Variants in POLR1D observed in about 807,000 individuals in gnomAD.
The protein encoded by POLR1D is RNA polymerase I and III subunit D.
POLR1D carries 8 observed loss-of-function variants against 10.8 expected under a neutral mutation model. The ratio of observed to expected loss-of-function variants is 0.74; its 90% CI spans 0.43 to 1.33. POLR1D has a LOEUF of 1.33. Ranked by LOEUF, POLR1D falls within the 40% of genes most tolerant of loss-of-function variation. The pLI is 0.01. For missense variants in POLR1D, 152 were observed against 161.7 expected, an observed-to-expected ratio of 0.94 and a Z score of 0.32; for synonymous variants, 54 against 57.2, an observed-to-expected ratio of 0.94 and a Z score of 0.25.
intron 1 of POLR1D, among the ~76,000 whole-genome samples, chr13:27,640,928 C>T (rs118138340): frequency 0.014 from 2,206 of 152,186 alleles, 24 homozygotes; most frequent in Non-Finnish European, 0.022. Flanking sequence ...CCTAAGTAAT[C>T]TATTATTACT....
At chr13:27,627,392 GGTGGAAATA>G (rs1956023784), downstream of POLR1D, among the ~76,000 whole-genome samples, 1 of 151,942 alleles carries the variant, frequency 6.6e-6, no homozygotes, top group South Asian at 2.1e-4. Flanking sequence ...CCTGAGAAAT[GGTGGAAATA>G]AGAGACTATG....
Position 27,622,993 on chromosome 13 carries a change from C to A in POLR1D, c.145C>A (p.His49Asn). The change falls in exon 2 of 2, where the codon CAT becomes AAT. Residue 49 changes from histidine to asparagine, a missense_variant. Coordinates refer to ENST00000302979, the MANE Select transcript of POLR1D (RefSeq NM_015972.4). ...CVTFVLHEED[H>N]TLGNSLRYMI... is the part of the protein sequence containing the mutation. ...GACATTTGTATTGCACGAGGAAGAC[C>A]ATACCCTAGGAAATTCTCTACGTTA... 1 of 1,614,102 alleles carries A rather than the reference C, an allele frequency of 6.2e-7. No homozygotes were observed. The highest frequency in any genetic ancestry group is 8.5e-7 in the Non-Finnish European group (1 of 1,179,964).
At position 27,665,415 on chromosome 13, in the gene POLR1D, G is replaced by GT. The variant is rs1956405726; in HGVS notation, c.102-270dup. 2.3e-5 allele frequency: 11 copies of GT among 485,148 alleles called. No individual in the cohort carries two copies. In the South Asian group the frequency reaches 2.4e-4, roughly 10 times the overall value. The allele number at this position is 485,148 out of a possible 1,614,324, so 30.1% of individuals were successfully genotyped here. A position where few individuals can be genotyped will look rare whatever the true frequency, so the allele number is the denominator to read the frequency against. On this transcript the variant is annotated intron_variant, in intron 2 of 2. Transcript: ENST00000399697. ...TTAGTTCACAGTGTGGTCAATACCT[G>GT]TACATATGAACTTCAGTAGGAAATT...
At chr13:27,629,054 A>G (rs896047671) in intron 1 of POLR1D, among the ~76,000 whole-genome samples, 10 of 152,024 alleles carry the variant, frequency 6.6e-5, no homozygotes, top group African/African-American at 2.4e-4. Context: ...GAACTCCTGG[A>G]CTCAAGTGAT....
chr13:27,652,914 T>TTCC (rs202199140), intron 2 of POLR1D, among the ~76,000 whole-genome samples: 1 of 129,746 alleles, frequency 7.7e-6, no homozygotes, highest in Non-Finnish European at 1.6e-5. Context: ...ACCATTTCTT[T>TTCC]TTTTTTTTTT....
intron 1 of POLR1D, among the ~76,000 whole-genome samples, chr13:27,631,546 G>A (rs1956073798): frequency 1.3e-5 from 2 of 152,074 alleles, no homozygotes; most frequent in African/African-American, 4.8e-5. Flanking sequence ...TCTCTAAAGT[G>A]GCATGCACAC....
chr13:27,637,088 G>C (rs1255289068), intron 1 of POLR1D, among the ~76,000 whole-genome samples: 1 of 151,940 alleles, frequency 6.6e-6, no homozygotes, highest in African/African-American at 2.4e-5. Context: ...CTGGGTTTTG[G>C]TTGTCTTGCA....
At chr13:27,656,360 A>C (rs1046513840) in intron 2 of POLR1D, among the ~76,000 whole-genome samples, 2 of 152,168 alleles carry the variant, frequency 1.3e-5, no homozygotes, top group African/African-American at 2.4e-5. Flanking sequence ...GTGTCTGTGT[A>C]TGTGTATGTG....
At chr13:27,626,620 C>G (rs928032010), downstream of POLR1D, among the ~76,000 whole-genome samples, 1 of 152,160 alleles carries the variant, frequency 6.6e-6, no homozygotes, top group Non-Finnish European at 1.5e-5. Context: ...AAAGTTAATC[C>G]GCATCTGATT....
At chr13:27,641,534 C>T (rs1028912004) in intron 1 of POLR1D, among the ~76,000 whole-genome samples, 1 of 152,054 alleles carries the variant, frequency 6.6e-6, no homozygotes. Flanking sequence ...TCCAAATATT[C>T]AGCCATTTCA....
At chr13:27,641,007 T>TATTGGTTATTA in intron 1 of POLR1D, among the ~76,000 whole-genome samples, 1 of 152,334 alleles carries the variant, frequency 6.6e-6, no homozygotes, top group South Asian at 2.1e-4. Context: ...AAATAGCTCT[T>TATTGGTTATTA]ATTCCGTATT....
chr13:27,648,912 A>G lies in POLR1D; in HGVS notation c.101+459A>G, dbSNP rs79273028. On this transcript the variant is annotated intron_variant, in intron 2 of 2. Transcript: ENST00000399697. ...AAGATTACCTTTGCAGATTATGTAC[A>G]AAATAGAGCTTGTTAAAACTTAATA... Among the ~76,000 whole-genome samples the G allele has an allele frequency of 7.5e-3, 1,139 of 152,328 alleles. 15 individuals carry two copies. Among genetic ancestry groups the G allele is most frequent in the African/African-American group, 0.026 (1,079 of 41,570 alleles).
downstream of POLR1D, among the ~76,000 whole-genome samples, chr13:27,623,664 T>TA (rs1555271377): frequency 6.6e-6 from 1 of 151,572 alleles, no homozygotes; most frequent in Non-Finnish European, 1.5e-5. Context: ...GTTAGATTGT[T>TA]GTTTAAAAAC....
intron 2 of POLR1D, among the ~76,000 whole-genome samples, chr13:27,659,745 A>G (rs914494334): frequency 6.6e-6 from 1 of 152,100 alleles, no homozygotes; most frequent in Non-Finnish European, 1.5e-5. Flanking sequence ...TAGCCTTGCA[A>G]ACTGTCTCAG....
At chr13:27,645,170 GTCC>G (rs1251819477) in intron 1 of POLR1D, among the ~76,000 whole-genome samples, 2 of 152,188 alleles carry the variant, frequency 1.3e-5, no homozygotes, top group African/African-American at 4.8e-5. Context: ...ATAGTGATCA[GTCC>G]TCCTTCATTC....
chr13:27,622,477 A>G (rs1955954485), intron 1 of POLR1D: 1 of 291,250 alleles, frequency 3.4e-6, no homozygotes, highest in Non-Finnish European at 6.5e-6. Flanking sequence ...CTGCACATTG[A>G]TCATCTGTAT....
At chr13:27,657,196 GT>G (rs1473523980) in intron 2 of POLR1D, among the ~76,000 whole-genome samples, 1 of 152,138 alleles carries the variant, frequency 6.6e-6, no homozygotes, top group Non-Finnish European at 1.5e-5. Flanking sequence ...TTTTAACAGA[GT>G]TTTTTTAATT....
chr13:27,653,539 G>A, intron 2 of POLR1D, among the ~76,000 whole-genome samples: 1 of 152,116 alleles, frequency 6.6e-6, no homozygotes, highest in South Asian at 2.1e-4. Context: ...TGCTGGGATT[G>A]TTACTTGGTT....
At chr13:27,642,805 T>C (rs1348164223) in intron 1 of POLR1D, among the ~76,000 whole-genome samples, 1 of 152,242 alleles carries the variant, frequency 6.6e-6, no homozygotes. Flanking sequence ...AACAACCCTG[T>C]GAAGTAATTA....
Sources: gnomAD v4.1 joint callset for allele counts (sites outside exome capture counted in the v4.1 genomes callset) on GRCh38, gnomAD v4.1.1 for gene constraint, MANE v1.5 for transcripts, NCBI Gene and HGNC (gene_info 2026-07-23, HGNC 2026-07-21) for gene names.